Variants in ACOT7 observed in about 807,000 individuals in gnomAD.
The protein encoded by ACOT7 is acyl-CoA thioesterase 7.
ACOT7 carries 12 observed loss-of-function variants against 40.2 expected under a neutral mutation model. That is an observed-to-expected ratio of 0.30 (90% CI 0.19 to 0.48). The LOEUF (loss-of-function observed/expected upper bound fraction) is 0.48. Among genes scored for constraint, ACOT7 ranks in the 20% least tolerant of loss-of-function variants. ACOT7 has a pLI of 0.99. For missense variants in ACOT7, 395 were observed against 530.8 expected, an observed-to-expected ratio of 0.74 and a Z score of 2.51; for synonymous variants, 228 against 219.5, an observed-to-expected ratio of 1.04 and a Z score of -0.34.
In ACOT7 at chr1:6,288,278, G is replaced by A. The variant is rs548566539; in HGVS notation, c.829+6586C>T. 1.8e-4 allele frequency among the ~76,000 whole-genome samples: 27 copies of A among 152,324 alleles called. No homozygotes were observed. The highest frequency in any genetic ancestry group is 6.0e-4 in the African/African-American group (25 of 41,558). On this transcript the variant is annotated intron_variant, in intron 7 of 8. Transcript: ENST00000361521. This position sits in a 1 kb window ranked among gnomAD's most constrained non-coding sequence, Gnocchi z 4.3. ...TCCGTTGCTGGCCTGGGAACTCCAC[G>A]CGCCTTTGGTGGGTGGGCACTTCCC...
chr1:6,303,061 G>C (rs59672249), intron 6 of ACOT7, among the ~76,000 whole-genome samples: 9,822 of 152,236 alleles, frequency 0.065, 939 homozygotes, highest in African/African-American at 0.21. Context: ...GGAAGCCACT[G>C]TCTCCCTTTC....
rs556733552 is a variant in ACOT7, at chr1:6,289,745, G to A, written c.829+5119C>T. ...GGGGTCTCACTGTGTTGCCCAGGCT[G>A]GTCTCGAACCCCTGGCTTAAGCAAT... On this transcript the variant is annotated intron_variant, in intron 7 of 8. Coordinates refer to ENST00000361521, the MANE Select transcript of ACOT7 (RefSeq NM_007274.4). This position sits in a 1 kb window ranked among gnomAD's most constrained non-coding sequence, Gnocchi z 4.6. Among the ~76,000 whole-genome samples, 1 of 152,228 alleles carries A rather than the reference G, an allele frequency of 6.6e-6. No homozygotes were observed. The highest frequency in any genetic ancestry group is 2.1e-4 in the South Asian group (1 of 4,816).
chr1:6,284,004 G>GA (rs957934719), intron 7 of ACOT7, among the ~76,000 whole-genome samples: 1 of 151,988 alleles, frequency 6.6e-6, no homozygotes, highest in Non-Finnish European at 1.5e-5. Flanking sequence ...CAGAAAAAAA[G>GA]AAAAAAACTG....
At chr1:6,318,101 G>A (rs1640546971) in intron 6 of ACOT7, among the ~76,000 whole-genome samples, 2 of 152,086 alleles carry the variant, frequency 1.3e-5, no homozygotes, top group African/African-American at 4.8e-5. Flanking sequence ...TGTTGCCCAG[G>A]CTGAAGTGCA....
chr1:6,336,298 C>T (rs1490117271), intron 3 of ACOT7, among the ~76,000 whole-genome samples: 4 of 137,534 alleles, frequency 2.9e-5, no homozygotes, highest in African/African-American at 1.1e-4. Context: ...TGCGCCACTG[C>T]ACTCTAGCCT....
chr1:6,315,067 T>C (rs527769421), intron 6 of ACOT7, among the ~76,000 whole-genome samples: 1 of 152,168 alleles, frequency 6.6e-6, no homozygotes, highest in African/African-American at 2.4e-5. Context: ...TAGTGTCTGG[T>C]GGGAGCACTG....
At chr1:6,264,776 T>G in intron 8 of ACOT7, 81 bp from the exon 9 acceptor site, 1 of 1,439,566 alleles carries the variant, frequency 6.9e-7, no homozygotes, top group Non-Finnish European at 9.5e-7. Context: ...CCTGGGGCCC[T>G]GCCCCCCACC....
intron 3 of ACOT7, among the ~76,000 whole-genome samples, chr1:6,337,303 G>T (rs978636905): frequency 1.3e-5 from 2 of 152,170 alleles, no homozygotes; most frequent in East Asian, 3.9e-4. Context: ...TCATGCTCAC[G>T]CCTGCCTTGG....
Position 6,299,272 on chromosome 1 carries a change from A to G in ACOT7, c.713-4292T>C, listed in dbSNP as rs1639898304. ...CAGCAATGGCAGCTGCTATCATGGG[A>G]TGTGGGGATTTGGTGGACATCTGTT... On this transcript the variant is annotated intron_variant, in intron 6 of 8. Coordinates refer to ENST00000361521, the MANE Select transcript of ACOT7 (RefSeq NM_007274.4). This position sits in a 1 kb window ranked among gnomAD's most constrained non-coding sequence, Gnocchi z 4.1. 6.6e-6 allele frequency among the ~76,000 whole-genome samples: 1 copy of G among 152,222 alleles called. No individual in the cohort carries two copies. The highest frequency in any genetic ancestry group is 2.1e-4 in the South Asian group (1 of 4,836).
Position 6,306,897 on chromosome 1 carries a change from G to C in ACOT7, c.712+11595C>G, listed in dbSNP as rs1323479822. 16 of 1,289,008 alleles carry C rather than the reference G, an allele frequency of 1.2e-5. No homozygotes were observed. The highest frequency in any genetic ancestry group is 1.5e-5 in the African/African-American group (1 of 65,836). The allele number at this position is 1,289,008 out of a possible 1,614,324, so 79.8% of individuals were successfully genotyped here. A position where few individuals can be genotyped will look rare whatever the true frequency, so the allele number is the denominator to read the frequency against. On this transcript the variant is annotated intron_variant, in intron 6 of 8. Transcript: ENST00000361521. The surrounding 1 kb of genome is among the most constrained non-coding windows in gnomAD (Gnocchi z 4.3). ...GTCAACTCCTCCTGCAGGTGCAAAAGATTGTTTTTTCACAACTGCCCCAAG... is the reference window on the plus strand; with the variant it reads ...GTCAACTCCTCCTGCAGGTGCAAAACATTGTTTTTTCACAACTGCCCCAAG...
rs749670729 is a variant in ACOT7, at chr1:6,281,201, A to C, written c.915T>G (p.Val305=). Residue 305 remains valine (V), a synonymous_variant, in exon 8 of 9, where the codon GTT becomes GTG. Coordinates refer to ENST00000361521, the MANE Select transcript of ACOT7 (RefSeq NM_007274.4). ...GGTAGCGCTTCTGAGAGCTGTCCACAACAGGGTCGGCGTCCACCAACACCT... is the reference window on the plus strand; with the variant it reads ...GGTAGCGCTTCTGAGAGCTGTCCACCACAGGGTCGGCGTCCACCAACACCT... ...EIEVLVDADP[V]VDSSQKRYRA... The C allele has an allele frequency of 1.2e-6, 2 of 1,614,100 alleles. No homozygotes were observed. The highest frequency in any genetic ancestry group is 2.2e-5 in the South Asian group (2 of 91,084).
chr1:6,383,570 AT>A (rs1642388290), intron 1 of ACOT7, among the ~76,000 whole-genome samples: 1 of 145,170 alleles, frequency 6.9e-6, no homozygotes, highest in Non-Finnish European at 1.5e-5. Context: ...AAGAGTCTTG[AT>A]CTGTTGTCCA....
intron 8 of ACOT7, among the ~76,000 whole-genome samples, chr1:6,268,784 G>A (rs564280636): frequency 2.0e-5 from 3 of 152,372 alleles, no homozygotes; most frequent in Admixed American, 6.5e-5. Flanking sequence ...GTGGAGCGGA[G>A]CCCTCGAGTC....
intron 8 of ACOT7, among the ~76,000 whole-genome samples, chr1:6,280,378 T>C (rs931299858): frequency 6.6e-6 from 1 of 152,204 alleles, no homozygotes; most frequent in African/African-American, 2.4e-5. Flanking sequence ...GCTGCCTCTT[T>C]GGGCCGCGCG....
intron 3 of ACOT7, 43 bp downstream of exon 3, chr1:6,339,390 C>A (rs756117165): frequency 5.6e-6 from 9 of 1,610,816 alleles, no homozygotes; most frequent in Non-Finnish European, 6.8e-6. Flanking sequence ...TGTGTAGCCA[C>A]GGCCCTTACT....
intron 4 of ACOT7, among the ~76,000 whole-genome samples, chr1:6,332,407 T>C (rs1640980180): frequency 6.6e-6 from 1 of 152,210 alleles, no homozygotes; most frequent in African/African-American, 2.4e-5. Context: ...ACGAATTAAA[T>C]TTCTTTATTC....
intron 5 of ACOT7, among the ~76,000 whole-genome samples, chr1:6,321,607 C>T (rs904022773): frequency 9.9e-5 from 15 of 152,184 alleles, no homozygotes; most frequent in Non-Finnish European, 5.9e-5. Flanking sequence ...CTCTGCGTCC[C>T]GGGTTCACGC....
chr1:6,331,627 G>A (rs948165558), intron 4 of ACOT7, among the ~76,000 whole-genome samples: 2 of 152,196 alleles, frequency 1.3e-5, no homozygotes, highest in Non-Finnish European at 2.9e-5. Flanking sequence ...CCCCGACCCT[G>A]AGCCCCCGCC....
chr1:6,298,197 C>A (rs1639866016), intron 6 of ACOT7, among the ~76,000 whole-genome samples: 3 of 152,238 alleles, frequency 2.0e-5, no homozygotes, highest in African/African-American at 7.2e-5. Context: ...TGCAGTGGTG[C>A]AACCTTGGCT....
Sources: gnomAD v4.1 joint callset for allele counts (sites outside exome capture counted in the v4.1 genomes callset) on GRCh38, gnomAD v4.1.1 for gene constraint, Gnocchi (gnomAD v3.1) non-coding constraint, MANE v1.5 for transcripts, NCBI Gene and HGNC (gene_info 2026-07-23, HGNC 2026-07-21) for gene names.